BRI3: variants seen among roughly 807,000 people sequenced by gnomAD.
BRI3 encodes the protein brain protein I3.
In BRI3, 6 loss-of-function variants were observed where a neutral mutation model predicts 12.8. The observed-to-expected ratio is 0.47, with a 90% CI of 0.26 to 0.93. The LOEUF is 0.93. BRI3 is among the 40% of genes least tolerant of loss of function. BRI3 has a pLI of 0.15. For missense variants in BRI3, 134 were observed against 171.1 expected (o/e 0.78, Z 1.21); for synonymous variants, 91 against 76.1 (o/e 1.20, Z -1.02).
chr7:98,320,003 A>G, the BRI3 span: 3 of 1,446,140 alleles, frequency 2.1e-6, no homozygotes, highest in Non-Finnish European at 2.9e-6. Context: ...AGTTCTCCCC[A>G]GGCTGGGAGG....
chr7:98,308,030 C>T (rs947618122), exon 2 of BRI3: 3 of 856,744 alleles, frequency 3.5e-6, no homozygotes, highest in Non-Finnish European at 5.8e-6. Flanking sequence ...CTGACCCTGT[C>T]CTATTTCCTC....
chr7:98,297,086 C>G (rs990310345), downstream of BRI3, among the ~76,000 whole-genome samples: 11 of 152,228 alleles, frequency 7.2e-5, no homozygotes, highest in South Asian at 2.1e-4. Flanking sequence ...ACTAAGGCCA[C>G]GAAACCAGCA....
At chr7:98,284,238 T>G (rs920535099) in intron 2 of BRI3, among the ~76,000 whole-genome samples, 10 of 152,304 alleles carry the variant, frequency 6.6e-5, no homozygotes, top group Admixed American at 6.5e-4. Flanking sequence ...ACCAGAGCAC[T>G]CTTGGATCCT....
Position 98,281,852 on chromosome 7 carries a change from C to G in BRI3, c.57C>G (p.Gly19=). 7.7e-7 allele frequency: 1 copy of G among 1,304,546 alleles called. No individual in the cohort carries two copies. Among genetic ancestry groups the G allele is most frequent in the Non-Finnish European group, 9.8e-7 (1 of 1,023,530 alleles). The allele number at this position is 1,304,546 out of a possible 1,614,324, so 80.8% of individuals were successfully genotyped here. The part of the protein sequence containing the change: ...ERPPAYNLEA[G]QGDYACGPHG... ...CGCCCGCCTACAACCTGGAGGCCGG[C>G]CAGGGCGACTACGCGTGCGGCCCGC... is the stretch of plus-strand genomic sequence containing the variant. The change falls in exon 1 of 3, where the codon GGC becomes GGG. Residue 19 remains glycine, a synonymous_variant. Transcript: ENST00000297290.
chr7:98,317,439 T>G, the BRI3 span: 9 of 1,553,218 alleles, frequency 5.8e-6, no homozygotes, highest in Non-Finnish European at 7.9e-6. Context: ...ACTTCCACTG[T>G]GTGTGGCTCA....
chr7:98,304,282 C>T, upstream of BRI3: 1 of 1,613,604 alleles, frequency 6.2e-7, no homozygotes, highest in Non-Finnish European at 8.5e-7. Context: ...GCAGCTGCCC[C>T]CATGGACAAG....
the BRI3 span, among the ~76,000 whole-genome samples, chr7:98,321,020 C>T: frequency 1.3e-5 from 2 of 152,102 alleles, no homozygotes; most frequent in Admixed American, 6.6e-5. Flanking sequence ...CCACACTCAG[C>T]TATTTTTTTG....
intron 1 of BRI3, among the ~76,000 whole-genome samples, chr7:98,298,945 G>A (rs1800302449): frequency 6.6e-6 from 1 of 151,998 alleles, no homozygotes; most frequent in Non-Finnish European, 1.5e-5. Flanking sequence ...GGGCTCAATC[G>A]ATCCTCTCAC....
At chr7:98,301,750 G>C (rs34695842), upstream of BRI3, among the ~76,000 whole-genome samples, 1 of 151,884 alleles carries the variant, frequency 6.6e-6, no homozygotes, top group Non-Finnish European at 1.5e-5. Flanking sequence ...TGGCAGGTGC[G>C]GCCTGTGGAG....
chr7:98,282,411 C>T lies in BRI3; in HGVS notation c.203C>T (p.Pro68Leu). The T allele has an allele frequency of 2.5e-6, 4 of 1,614,120 alleles. No homozygotes were observed. Among genetic ancestry groups the T allele is most frequent in the Non-Finnish European group, 3.4e-6 (4 of 1,180,000 alleles). Residue 68 changes from proline (P) to leucine (L), a missense_variant, in exon 2 of 3, where the codon CCT becomes CTT. Transcript: ENST00000297290. ...CACAGCCGGACCGTCACCCGCTATC[C>T]TGCCAACTCTATCGTGGTCGTAGGA... The part of the protein sequence containing the change: ...NIHSRTVTRY[P>L]ANSIVVVGGC...
At chr7:98,322,153 G>T in the BRI3 span, among the ~76,000 whole-genome samples, 2 of 152,070 alleles carry the variant, frequency 1.3e-5, no homozygotes, top group African/African-American at 2.4e-5. Flanking sequence ...GGGAGGAATC[G>T]GAATGAGGAC....
the BRI3 span, among the ~76,000 whole-genome samples, chr7:98,319,479 G>C: frequency 4.6e-5 from 7 of 152,044 alleles, no homozygotes; most frequent in East Asian, 3.9e-4. Context: ...GTCCTACAGC[G>C]TGAATGTATT....
the BRI3 span, among the ~76,000 whole-genome samples, chr7:98,316,296 C>T: frequency 6.6e-6 from 1 of 152,036 alleles, no homozygotes; most frequent in African/African-American, 2.4e-5. Flanking sequence ...TGCCCAGTCT[C>T]GGGGTATGTC....
intron 1 of BRI3, among the ~76,000 whole-genome samples, chr7:98,301,020 T>G (rs747141404): frequency 7.2e-5 from 11 of 152,144 alleles, no homozygotes; most frequent in Non-Finnish European, 1.2e-4. Flanking sequence ...TGCGTGGGTC[T>G]CATTCCTCTT....
chr7:98,282,024 C>G (rs375180244), intron 1 of BRI3, 87 bp downstream of exon 1: 3 of 1,303,232 alleles, frequency 2.3e-6, no homozygotes, highest in Non-Finnish European at 1.9e-6. Context: ...GGGTGGGGCC[C>G]GCCCGGGGGT....
At chr7:98,310,902 T>C (rs1241354084), downstream of BRI3, among the ~76,000 whole-genome samples, 1 of 151,952 alleles carries the variant, frequency 6.6e-6, no homozygotes, top group Admixed American at 6.6e-5. Context: ...GCCAGGCTGG[T>C]CTCAAACTTC....
At chr7:98,310,324 T>C (rs1800820565) in exon 2 of BRI3, 11 of 1,126,146 alleles carry the variant, frequency 9.8e-6, no homozygotes, top group Non-Finnish European at 1.4e-5. Context: ...TGAATGTATC[T>C]ACCATACCTG....
Position 98,291,146 on chromosome 7 carries a change from G to T in BRI3, c.281G>T (p.Gly94Val), listed in dbSNP as rs531028404. The T allele has an allele frequency of 6.2e-7, 1 of 1,614,164 alleles. No individual in the cohort carries two copies. Among genetic ancestry groups the T allele is most frequent in the Non-Finnish European group, 8.5e-7 (1 of 1,180,038 alleles). ...CTGGAGGACTGCTTCACCTTCCTGG[G>T]CATCTTCCTGGCCATCATCCTCTTC... ...GVLEDCFTFL[G>V]IFLAIILFPF... Residue 94 changes from glycine (G) to valine (V), a missense_variant, in exon 3 of 3, where the codon GGC (glycine) becomes GTC (valine). Gly to Val is a moderately radical substitution (Grantham distance 109). Transcript: ENST00000297290.
At chr7:98,310,398 A>G (rs1416517740) in exon 2 of BRI3, 4 of 1,548,426 alleles carry the variant, frequency 2.6e-6, no homozygotes, top group Middle Eastern at 1.7e-4. Flanking sequence ...CTTATCTTAA[A>G]ACAAATGTAA....
Sources: gnomAD v4.1 joint callset for allele counts (sites outside exome capture counted in the v4.1 genomes callset) on GRCh38, gnomAD v4.1.1 for gene constraint, MANE v1.5 for transcripts, NCBI Gene and HGNC (gene_info 2026-07-23, HGNC 2026-07-21) for gene names.